NGEF: variants seen among roughly 807,000 people sequenced by gnomAD.
NGEF encodes the protein ephexin-1.
Under a neutral mutation model 80.9 loss-of-function variants are expected in NGEF, and 31 were observed. The ratio of observed to expected loss-of-function variants is 0.38; its 90% CI spans 0.29 to 0.52. The LOEUF (loss-of-function observed/expected upper bound fraction) is 0.52. NGEF is among the 20% of genes least tolerant of loss of function. The probability of loss-of-function intolerance (pLI) is 0.84; values close to 1 mark genes in which losing one functional copy is unlikely to be tolerated. For synonymous variants in NGEF, 371 were observed against 370.2 expected, an observed-to-expected ratio of 1.00 and a Z score of -0.03; for missense variants, 709 against 926.2, an observed-to-expected ratio of 0.77 and a Z score of 3.04.
chr2:232,890,744 C>T (rs927057699), intron 8 of NGEF, among the ~76,000 whole-genome samples: 4 of 152,166 alleles, frequency 2.6e-5, no homozygotes, highest in Non-Finnish European at 4.4e-5. Flanking sequence ...CAGTGTAACC[C>T]CTTCCCCGTT....
chr2:232,905,244 GGC>G (rs1692470795), intron 5 of NGEF, among the ~76,000 whole-genome samples: 1 of 152,362 alleles, frequency 6.6e-6, no homozygotes, highest in African/African-American at 2.4e-5. Context: ...TGCGATTGCA[GGC>G]GCGCGCCGCC....
intron 1 of NGEF, among the ~76,000 whole-genome samples, chr2:233,008,639 G>C (rs137983064): frequency 2.6e-5 from 4 of 152,276 alleles, no homozygotes; most frequent in African/African-American, 7.2e-5. Context: ...GAAGGGCACT[G>C]TCCAAGTTGC....
intron 8 of NGEF, among the ~76,000 whole-genome samples, chr2:232,889,682 C>T (rs557121700): frequency 1.3e-5 from 2 of 152,332 alleles, no homozygotes; most frequent in African/African-American, 2.4e-5. Flanking sequence ...AGGTGTCTTC[C>T]GGTTTGGGGT....
intron 1 of NGEF, chr2:233,012,774 C>A (rs1187116912): frequency 2.2e-6 from 1 of 461,666 alleles, no homozygotes; most frequent in African/African-American, 2.0e-5. Context: ...ATTATGCAGC[C>A]ATTCCTGCTT....
At chr2:232,886,787 T>G (rs971357275) in intron 9 of NGEF, among the ~76,000 whole-genome samples, 2 of 152,190 alleles carry the variant, frequency 1.3e-5, no homozygotes, top group South Asian at 4.1e-4. Context: ...GGTGGCCCCG[T>G]GTGGCTGCTG....
At chr2:232,934,068 C>G (rs1254321612) in intron 3 of NGEF, among the ~76,000 whole-genome samples, 2 of 151,910 alleles carry the variant, frequency 1.3e-5, no homozygotes, top group Non-Finnish European at 2.9e-5. Flanking sequence ...ATGGTGAAAC[C>G]CTGTCTCTAG....
chr2:232,893,952 G>A (rs1013783214), intron 6 of NGEF, among the ~76,000 whole-genome samples: 4 of 152,110 alleles, frequency 2.6e-5, no homozygotes, highest in Non-Finnish European at 5.9e-5. Flanking sequence ...GAGGCCCACA[G>A]AGAGTGAGCA....
At chr2:232,987,179 G>A (rs551455445) in intron 1 of NGEF, among the ~76,000 whole-genome samples, 1 of 152,272 alleles carries the variant, frequency 6.6e-6, no homozygotes, top group African/African-American at 2.4e-5. Context: ...GCCACGCCTG[G>A]CTAATTTTTT....
At chr2:232,898,089 T>C (rs1404956444) in intron 5 of NGEF, among the ~76,000 whole-genome samples, 2 of 152,228 alleles carry the variant, frequency 1.3e-5, no homozygotes, top group Admixed American at 1.3e-4. Context: ...GCTTCTCAGC[T>C]ACAGATGCTG....
intron 3 of NGEF, among the ~76,000 whole-genome samples, chr2:232,966,346 C>T (rs1332106068): frequency 2.0e-5 from 3 of 152,230 alleles, no homozygotes; most frequent in African/African-American, 7.2e-5. Flanking sequence ...AGCTGGCTCT[C>T]TTCCTGGAGA....
chr2:232,992,136 T>C (rs1393445940), intron 1 of NGEF, among the ~76,000 whole-genome samples: 1 of 152,060 alleles, frequency 6.6e-6, no homozygotes, highest in Non-Finnish European at 1.5e-5. Context: ...AGAAGAAAAC[T>C]AAATCTTCTT....
intron 12 of NGEF, among the ~76,000 whole-genome samples, chr2:232,882,473 G>A (rs577824783): frequency 6.6e-5 from 10 of 152,274 alleles, no homozygotes; most frequent in Non-Finnish European, 1.5e-4. Context: ...AGGGGCATGG[G>A]GGAGCCCCTC....
chr2:232,913,949 A>G (rs995468046), intron 5 of NGEF, among the ~76,000 whole-genome samples: 2 of 152,116 alleles, frequency 1.3e-5, no homozygotes, highest in Admixed American at 1.3e-4. Context: ...AAATAAAATA[A>G]TTTTGTGTTT....
chr2:232,901,445 T>C (rs1325720133), intron 5 of NGEF: 1 of 985,306 alleles, frequency 1.0e-6, no homozygotes, highest in Admixed American at 6.2e-5. Context: ...TTTTTTGGCT[T>C]CTCCCGACCC....
intron 8 of NGEF, 119 bp downstream of exon 8, chr2:232,891,239 A>G (rs56357073): frequency 0.069 from 91,691 of 1,332,562 alleles, 3,764 homozygotes; most frequent in East Asian, 0.17. Context: ...CTTGGCACAC[A>G]TGGGAGGAGC....
At chr2:232,893,093 AG>A (rs1158967341) in intron 6 of NGEF, 43 bp from the exon 7 acceptor site, 23 of 1,588,536 alleles carry the variant, frequency 1.4e-5, no homozygotes, top group Non-Finnish European at 2.0e-5. Flanking sequence ...CCCGGGGGGT[AG>A]GGTGGGGAAT....
chr2:233,011,442 T>C (rs1410557628), intron 1 of NGEF, among the ~76,000 whole-genome samples: 1 of 152,066 alleles, frequency 6.6e-6, no homozygotes, highest in African/African-American at 2.4e-5. Context: ...CAGCAGCTCC[T>C]GCGCCCCTGG....
At chr2:232,977,532 C>T (rs1444628315) in intron 1 of NGEF, among the ~76,000 whole-genome samples, 3 of 152,196 alleles carry the variant, frequency 2.0e-5, no homozygotes, top group Admixed American at 1.3e-4. Context: ...CTTCTTTCCC[C>T]GGCCCCTGTG....
At chr2:232,981,463 G>A (rs780843432) in intron 1 of NGEF, among the ~76,000 whole-genome samples, 20 of 152,036 alleles carry the variant, frequency 1.3e-4, no homozygotes, top group Non-Finnish European at 1.0e-4. Flanking sequence ...CCCTCCCCAC[G>A]TTGCTCCTGG....
Sources: allele counts gnomAD v4.1 joint callset (sites outside exome capture counted in the v4.1 genomes callset), GRCh38; gene constraint gnomAD v4.1.1; transcripts MANE v1.5; gene names NCBI Gene and HGNC (gene_info 2026-07-23, HGNC 2026-07-21).